Variants in SCYL3 observed in about 807,000 individuals in gnomAD.
The protein encoded by SCYL3 is SCY1 like pseudokinase 3.
In SCYL3, 35 loss-of-function variants were observed where a neutral mutation model predicts 73.8. The observed-to-expected ratio is 0.47, with a 90% CI of 0.36 to 0.63. The LOEUF is 0.63. Among genes scored for constraint, SCYL3 ranks in the 20% least tolerant of loss-of-function variants. The pLI, the probability that SCYL3 is intolerant of heterozygous loss-of-function variation, is 0.00. For missense variants in SCYL3, 712 were observed against 798.9 expected, an observed-to-expected ratio of 0.89 and a Z score of 1.31; for synonymous variants, 277 against 295.2, an observed-to-expected ratio of 0.94 and a Z score of 0.63.
intron 4 of SCYL3, among the ~76,000 whole-genome samples, chr1:169,874,272 A>G (rs915846839): frequency 3.3e-5 from 5 of 152,226 alleles, no homozygotes; most frequent in African/African-American, 1.2e-4. Context: ...TGAAGAGCCT[A>G]TATGTCCCGA....
chr1:169,871,480 G>C (rs1363280399), intron 5 of SCYL3, among the ~76,000 whole-genome samples: 4 of 152,142 alleles, frequency 2.6e-5, no homozygotes, highest in Non-Finnish European at 5.9e-5. Flanking sequence ...CCCAGTCTTG[G>C]GTATGTCTTC....
At position 169,870,306 on chromosome 1, in the gene SCYL3, A is replaced by G; in HGVS notation, c.574T>C (p.Phe192Leu). ...PECHGHARDA[F>L]SFGTLVESLL... ...CTTTCCACCAATGTTCCAAATGAAA[A>G]GGCATCCCGGGCATGTCCATGACAC... The change falls in exon 6 of 13, where the codon TTT (phenylalanine) becomes CTT (leucine). Residue 192 changes from phenylalanine (F) to leucine (L), a missense_variant. This residue lies in a region of SCYL3 where 342 missense variants were observed against 448.1 expected (regional missense o/e 0.76). Coordinates refer to ENST00000367771, the MANE Select transcript of SCYL3 (RefSeq NM_020423.7). 6.2e-7 allele frequency: 1 copy of G among 1,613,634 alleles called. No individual in the cohort carries two copies. The highest frequency in any genetic ancestry group is 8.5e-7 in the Non-Finnish European group (1 of 1,179,768).
chr1:169,868,273 G>C (rs1454041468), intron 7 of SCYL3, among the ~76,000 whole-genome samples: 1 of 152,068 alleles, frequency 6.6e-6, no homozygotes, highest in African/African-American at 2.4e-5. Flanking sequence ...AGGATTTTTA[G>C]TTTTAAAACT....
In SCYL3 at chr1:169,852,773, T is replaced by TTA; in HGVS notation, c.*938_*939dup. ...TTTAGAATGGATATTGTGATATTAC[T>TTA]TATGTTTTTTTTCCAGCCTTATGCA... On this transcript the variant is annotated 3_prime_UTR_variant, in exon 13 of 13. Transcript: ENST00000367771. The TTA allele has an allele frequency of 6.2e-7, 1 of 1,612,430 alleles. No individual in the cohort carries two copies. The highest frequency in any genetic ancestry group is 8.5e-7 in the Non-Finnish European group (1 of 1,179,022).
chr1:169,887,644 C>T (rs901950417), intron 2 of SCYL3, among the ~76,000 whole-genome samples: 2 of 152,076 alleles, frequency 1.3e-5, no homozygotes, highest in African/African-American at 4.8e-5. Context: ...AAATGTGGTT[C>T]TACCAAAAAG....
intron 2 of SCYL3, among the ~76,000 whole-genome samples, chr1:169,882,096 C>T (rs1374754971): frequency 2.0e-5 from 3 of 152,218 alleles, no homozygotes; most frequent in African/African-American, 4.8e-5. Context: ...CCTCAGCTTG[C>T]AGGGAGGTGT....
In SCYL3 at chr1:169,850,473, G is replaced by A. The variant is rs1430176030; in HGVS notation, c.*3240C>T. 5 of 627,376 alleles carry A rather than the reference G, an allele frequency of 8.0e-6. No homozygotes were observed. The highest frequency in any genetic ancestry group is 5.6e-5 in the East Asian group (2 of 35,848). 38.9% of individuals were successfully genotyped at this position (627,376 alleles called of 1,614,324 possible). ...TCACAGTGCTGAGCACAGTGCTGACGACTTTTACTAAGCAATTGAGGCCAC... is the reference window on the plus strand; with the variant it reads ...TCACAGTGCTGAGCACAGTGCTGACAACTTTTACTAAGCAATTGAGGCCAC... On this transcript the variant is annotated 3_prime_UTR_variant, in exon 13 of 13. Transcript: ENST00000367771.
chr1:169,853,818 A>T lies in SCYL3; in HGVS notation c.2008-46T>A, dbSNP rs898964322. The stretch of plus-strand genomic sequence containing the variant: ...CCAAGAACCCACTGAAACAAATCAT[A>T]TGCAAAAATCATACGCAAATTTGAA... On this transcript the variant is annotated intron_variant, in intron 12 of 12. Transcript: ENST00000367771. 4 of 1,588,404 alleles carry T rather than the reference A, an allele frequency of 2.5e-6. No homozygotes were observed. In the African/African-American group the frequency reaches 5.5e-5, roughly 22 times the overall value.
chr1:169,855,422 G>T (rs1343133067), intron 11 of SCYL3, among the ~76,000 whole-genome samples: 2 of 152,170 alleles, frequency 1.3e-5, no homozygotes, highest in South Asian at 2.1e-4. Flanking sequence ...CCTGTGCAAT[G>T]TGTTAATGAC....
intron 11 of SCYL3, among the ~76,000 whole-genome samples, chr1:169,856,384 A>G (rs1036638187): frequency 3.9e-5 from 6 of 152,240 alleles, no homozygotes; most frequent in Non-Finnish European, 7.3e-5. Flanking sequence ...AGTTAAAATA[A>G]TAAATTTAAG....
Position 169,850,411 on chromosome 1 carries a change from CTG to C in SCYL3, c.*3300_*3301del, listed in dbSNP as rs1271835486. 4.6e-6 allele frequency: 5 copies of C among 1,079,428 alleles called. No homozygotes were observed. The highest frequency in any genetic ancestry group is 6.9e-6 in the Non-Finnish European group (5 of 721,402). The allele number at this position is 1,079,428 out of a possible 1,614,324, so 66.9% of individuals were successfully genotyped here. A position where few individuals can be genotyped will look rare whatever the true frequency, so the allele number is the denominator to read the frequency against. On this transcript the variant is annotated 3_prime_UTR_variant, in exon 13 of 13. Coordinates refer to ENST00000367771, the MANE Select transcript of SCYL3 (RefSeq NM_020423.7). The stretch of plus-strand genomic sequence containing the variant: ...TTTTTTTTTTTCCGAAATTATGTAA[CTG>C]TAACCAACCTGAGTGTCTTCTTAGC...
intron 7 of SCYL3, among the ~76,000 whole-genome samples, chr1:169,868,444 T>C (rs1306534046): frequency 6.6e-6 from 1 of 152,222 alleles, no homozygotes; most frequent in African/African-American, 2.4e-5. Flanking sequence ...TTAAATTATA[T>C]TGTGCCCTTG....
intron 6 of SCYL3, 75 bp downstream of exon 6, chr1:169,870,180 T>TAA: frequency 8.6e-7 from 1 of 1,163,196 alleles, no homozygotes; most frequent in Non-Finnish European, 1.2e-6. Context: ...TGTAGTCCTT[T>TAA]GAATTCCACA....
At chr1:169,858,549 T>C (rs570108773) in intron 11 of SCYL3, among the ~76,000 whole-genome samples, 3 of 152,076 alleles carry the variant, frequency 2.0e-5, no homozygotes, top group South Asian at 2.1e-4. Flanking sequence ...ACCAGTTACA[T>C]AGTCATTTGT....
Position 169,852,077 on chromosome 1 carries a change from T to A in SCYL3, c.*1636A>T. On this transcript the variant is annotated 3_prime_UTR_variant, in exon 13 of 13. Coordinates refer to ENST00000367771, the MANE Select transcript of SCYL3 (RefSeq NM_020423.7). ...AGATCTAGACATGTAAAATTCTGTT[T>A]TATGGTAGTTGCTTTTAAAATTAAG... 8.6e-7 allele frequency: 1 copy of A among 1,162,446 alleles called. No homozygotes were observed. The highest frequency in any genetic ancestry group is 1.2e-6 in the Non-Finnish European group (1 of 806,016). The allele number at this position is 1,162,446 out of a possible 1,614,324, so 72.0% of individuals were successfully genotyped here. A position where few individuals can be genotyped will look rare whatever the true frequency, so the allele number is the denominator to read the frequency against.
intron 1 of SCYL3, among the ~76,000 whole-genome samples, chr1:169,892,810 G>T (rs1251284844): frequency 6.6e-6 from 1 of 152,112 alleles, no homozygotes; most frequent in Non-Finnish European, 1.5e-5. Flanking sequence ...TAAGAAACCC[G>T]TGTGCTCTAT....
chr1:169,876,845 C>G (rs779014209), intron 3 of SCYL3, among the ~76,000 whole-genome samples: 13 of 151,180 alleles, frequency 8.6e-5, no homozygotes, highest in Non-Finnish European at 1.6e-4. Context: ...GTCCCAGCTA[C>G]TCGGGAGGCT....
intron 2 of SCYL3, among the ~76,000 whole-genome samples, chr1:169,886,952 C>G (rs1185296206): frequency 6.6e-6 from 1 of 152,078 alleles, no homozygotes; most frequent in Non-Finnish European, 1.5e-5. Context: ...AAAGGTGTGA[C>G]CAACAACCCA....
chr1:169,851,759 A>C lies in SCYL3; in HGVS notation c.*1954T>G. 1.3e-6 allele frequency: 2 copies of C among 1,569,494 alleles called. No homozygotes were observed. Among genetic ancestry groups the C allele is most frequent in the Non-Finnish European group, 1.7e-6 (2 of 1,158,968 alleles). The stretch of plus-strand genomic sequence containing the variant: ...AGCACTTAAATTATGTGGCCATTTC[A>C]TATCTAGTAGAGTGCTAACATGTTG... On this transcript the variant is annotated 3_prime_UTR_variant, in exon 13 of 13. Coordinates refer to ENST00000367771, the MANE Select transcript of SCYL3 (RefSeq NM_020423.7).
Sources: allele counts gnomAD v4.1 joint callset (sites outside exome capture counted in the v4.1 genomes callset), GRCh38; gene constraint gnomAD v4.1.1; regional missense constraint gnomAD v4.1.1; transcripts MANE v1.5; gene names NCBI Gene and HGNC (gene_info 2026-07-23, HGNC 2026-07-21).